LRP1B: variants seen among roughly 807,000 people sequenced by gnomAD.
The protein encoded by LRP1B is LDL receptor related protein 1B.
LRP1B carries 217 observed loss-of-function variants against 556.6 expected under a neutral mutation model. The ratio of observed to expected loss-of-function variants is 0.39; its 90% CI spans 0.35 to 0.44. The LOEUF (loss-of-function observed/expected upper bound fraction) is 0.44, where lower values mean the gene tolerates loss of function less well. Ranked by LOEUF, LRP1B falls within the 20% of genes least tolerant of loss-of-function variation. LRP1B has a pLI of 1.00. For missense variants in LRP1B, 5,053 were observed against 5,620.8 expected, an observed-to-expected ratio of 0.90 and a Z score of 3.23; for synonymous variants, 2,047 against 1,865.8, an observed-to-expected ratio of 1.10 and a Z score of -2.50.
intron 79 of LRP1B, among the ~76,000 whole-genome samples, chr2:140,327,313 A>G (rs962329955): frequency 7.2e-5 from 11 of 152,118 alleles, no homozygotes; most frequent in African/African-American, 2.4e-4. Flanking sequence ...TTAAATACAA[A>G]TATTTAGCTC....
chr2:140,577,904 T>G (rs1257258965), intron 43 of LRP1B, among the ~76,000 whole-genome samples: 1 of 152,212 alleles, frequency 6.6e-6, no homozygotes, highest in African/African-American at 2.4e-5. Context: ...GGAAAAGCAA[T>G]TCTGATTTAA....
intron 2 of LRP1B, among the ~76,000 whole-genome samples, chr2:141,673,060 G>C (rs530943548): frequency 1.1e-3 from 161 of 152,278 alleles, no homozygotes; most frequent in African/African-American, 3.8e-3. Context: ...TTAAAACACA[G>C]ATAAGTGTTA....
At chr2:140,320,346 T>A (rs1680038310) in intron 82 of LRP1B, among the ~76,000 whole-genome samples, 1 of 152,290 alleles carries the variant, frequency 6.6e-6, no homozygotes, top group South Asian at 2.1e-4. Context: ...ACAATAGTTT[T>A]AGACACTGAG....
At chr2:140,444,289 G>C in intron 65 of LRP1B, 41 bp downstream of exon 65, 8 of 1,609,814 alleles carry the variant, frequency 5.0e-6, no homozygotes, top group Non-Finnish European at 6.8e-6. Flanking sequence ...TATTTTAGGA[G>C]TCAAAGTTAA....
intron 1 of LRP1B, among the ~76,000 whole-genome samples, chr2:141,958,312 C>G (rs534614543): frequency 6.6e-6 from 1 of 151,942 alleles, no homozygotes; most frequent in East Asian, 1.9e-4. Context: ...ATCTCTGTGA[C>G]CTGGATTTAA....
At chr2:141,910,812 GAAAGT>G (rs1558955589) in intron 1 of LRP1B, among the ~76,000 whole-genome samples, 1 of 151,970 alleles carries the variant, frequency 6.6e-6, no homozygotes, top group African/African-American at 2.4e-5. Flanking sequence ...AAAAAGTAAG[GAAAGT>G]AGGAAACTTT....
intron 1 of LRP1B, among the ~76,000 whole-genome samples, chr2:142,074,676 C>T (rs1220195925): frequency 6.6e-6 from 1 of 152,032 alleles, no homozygotes. Flanking sequence ...AGCCAGTCAT[C>T]TCCTACTCAC....
chr2:140,705,217 CT>C (rs1429353361), intron 37 of LRP1B, among the ~76,000 whole-genome samples: 2 of 151,818 alleles, frequency 1.3e-5, no homozygotes, highest in African/African-American at 4.8e-5. Context: ...AACAAAAAAT[CT>C]CCATATTTAA....
intron 7 of LRP1B, among the ~76,000 whole-genome samples, chr2:141,153,434 ATATAT>A (rs1205727981): frequency 8.5e-6 from 1 of 117,016 alleles, no homozygotes; most frequent in East Asian, 2.1e-4. Context: ...TTTATATATA[ATATAT>A]TATATATTAG....
chr2:140,853,670 T>C (rs1277787917), intron 27 of LRP1B, among the ~76,000 whole-genome samples: 2 of 120,476 alleles, frequency 1.7e-5, no homozygotes, highest in Non-Finnish European at 1.8e-5. Flanking sequence ...AATAGTGTCT[T>C]TGTATTTGTT....
At chr2:141,328,472 T>A (rs958880252) in intron 3 of LRP1B, among the ~76,000 whole-genome samples, 2 of 152,162 alleles carry the variant, frequency 1.3e-5, no homozygotes. Context: ...TTCCACAGGA[T>A]CATATGTGTA....
At chr2:141,443,262 C>T (rs1681054331) in intron 3 of LRP1B, among the ~76,000 whole-genome samples, 1 of 152,150 alleles carries the variant, frequency 6.6e-6, no homozygotes, top group Non-Finnish European at 1.5e-5. Context: ...CCTTCACCCA[C>T]TTTTTGATGA....
intron 11 of LRP1B, among the ~76,000 whole-genome samples, chr2:141,043,883 T>TTGAGCCCAGGAGTTTGCA: frequency 6.6e-6 from 1 of 151,996 alleles, no homozygotes; most frequent in South Asian, 2.1e-4. Flanking sequence ...CCCATCAAGC[T>TTGAGCCCAGGAGTTTGCA]ACCAACGCCT....
At chr2:140,650,222 A>T (rs1043885494) in intron 41 of LRP1B, among the ~76,000 whole-genome samples, 2 of 151,790 alleles carry the variant, frequency 1.3e-5, no homozygotes, top group African/African-American at 4.8e-5. Context: ...TATAAAAAAA[A>T]GGCAGAGGTT....
intron 2 of LRP1B, among the ~76,000 whole-genome samples, chr2:141,759,851 C>G (rs1261967530): frequency 3.9e-5 from 6 of 152,122 alleles, no homozygotes; most frequent in African/African-American, 1.4e-4. Context: ...GAAAAATATA[C>G]TTGAATATTG....
intron 47 of LRP1B, among the ~76,000 whole-genome samples, chr2:140,529,948 A>T (rs932730266): frequency 3.2e-4 from 49 of 152,022 alleles, no homozygotes; most frequent in East Asian, 2.5e-3. Flanking sequence ...GCAGTAAATT[A>T]AAAAAAATGA....
intron 11 of LRP1B, among the ~76,000 whole-genome samples, chr2:141,030,779 T>G (rs1419761004): frequency 2.6e-5 from 4 of 152,138 alleles, no homozygotes; most frequent in Admixed American, 6.6e-5. Context: ...ATGAGAACTC[T>G]GATTCTTTCC....
intron 2 of LRP1B, among the ~76,000 whole-genome samples, chr2:141,787,857 G>T (rs1454206050): frequency 6.6e-6 from 1 of 151,654 alleles, no homozygotes; most frequent in Non-Finnish European, 1.5e-5. Context: ...AAATATAGTA[G>T]CCTTTCTCAT....
chr2:140,984,901 T>C (rs1696872624), intron 17 of LRP1B, among the ~76,000 whole-genome samples: 1 of 152,130 alleles, frequency 6.6e-6, no homozygotes, highest in South Asian at 2.1e-4. Flanking sequence ...ATCTATATGA[T>C]ATAATCAAGT....
Sources: allele counts gnomAD v4.1 joint callset (sites outside exome capture counted in the v4.1 genomes callset), GRCh38; gene constraint gnomAD v4.1.1; transcripts MANE v1.5; gene names NCBI Gene and HGNC (gene_info 2026-07-23, HGNC 2026-07-21).